NCOA2: variants seen among roughly 807,000 people sequenced by gnomAD.
NCOA2 encodes the protein class E basic helix-loop-helix protein 75.
Under a neutral mutation model 145.1 loss-of-function variants are expected in NCOA2, and 21 were observed. That is an observed-to-expected ratio of 0.14 (90% CI 0.10 to 0.21). NCOA2 has a LOEUF of 0.21. NCOA2 is among the 10% of genes least tolerant of loss of function. The pLI, the probability that NCOA2 is intolerant of heterozygous loss-of-function variation, is 1.00. For missense variants in NCOA2, 1,472 were observed against 1,837.6 expected, an observed-to-expected ratio of 0.80 and a Z score of 3.64; for synonymous variants, 619 against 637.5, an observed-to-expected ratio of 0.97 and a Z score of 0.44.
chr8:70,324,961 A>G (rs1806423670), intron 1 of NCOA2, among the ~76,000 whole-genome samples: 1 of 152,224 alleles, frequency 6.6e-6, no homozygotes, highest in African/African-American at 2.4e-5. Flanking sequence ...CTCTACCCCC[A>G]TGAAGTAACT....
chr8:70,279,573 C>T (rs902453032), intron 2 of NCOA2, among the ~76,000 whole-genome samples: 4 of 152,222 alleles, frequency 2.6e-5, no homozygotes, highest in African/African-American at 9.7e-5. Flanking sequence ...TGTCAGGTCA[C>T]ATGGTTCATG....
chr8:70,286,089 A>T lies in NCOA2; in HGVS notation c.-20+10655T>A, dbSNP rs1293572282. On this transcript the variant is annotated intron_variant, in intron 2 of 22. Coordinates refer to ENST00000452400, the MANE Select transcript of NCOA2 (RefSeq NM_006540.4). ...TATGCAAGAAAAGTTTCCTTCTTAA[A>T]TTTGCACTTCTTTATATTCTAATGT... Among the ~76,000 whole-genome samples the T allele has an allele frequency of 3.3e-5, 5 of 152,146 alleles. No individual in the cohort carries two copies. The East Asian group carries it at 9.6e-4, about 29-fold the overall frequency.
intron 2 of NCOA2, among the ~76,000 whole-genome samples, chr8:70,236,626 T>C (rs949768021): frequency 1.3e-5 from 2 of 152,146 alleles, no homozygotes; most frequent in East Asian, 1.9e-4. Flanking sequence ...TCCGTATCTG[T>C]GGTTCTGTAT....
chr8:70,354,129 A>G (rs192962043), intron 1 of NCOA2, among the ~76,000 whole-genome samples: 5 of 152,290 alleles, frequency 3.3e-5, no homozygotes, highest in African/African-American at 1.2e-4. Flanking sequence ...TTCCAAACCC[A>G]TTACAGAGCA....
the NCOA2 span, among the ~76,000 whole-genome samples, chr8:70,446,765 A>G: frequency 1.3e-5 from 2 of 151,956 alleles, no homozygotes; most frequent in Admixed American, 6.6e-5. Context: ...TTTTTTTCCA[A>G]CAAGTTATAT....
At chr8:70,452,000 G>A in the NCOA2 span, among the ~76,000 whole-genome samples, 1 of 151,838 alleles carries the variant, frequency 6.6e-6, no homozygotes. Context: ...TTTGAGACAG[G>A]ATCTCACTCT....
intron 5 of NCOA2, among the ~76,000 whole-genome samples, chr8:70,171,215 A>G (rs1163423574): frequency 1.4e-4 from 22 of 152,190 alleles, no homozygotes; most frequent in Admixed American, 1.4e-3. Flanking sequence ...GGAAGTTGAG[A>G]TAATAACAGT....
chr8:70,449,265 T>C, the NCOA2 span, among the ~76,000 whole-genome samples: 1 of 152,234 alleles, frequency 6.6e-6, no homozygotes, highest in Non-Finnish European at 1.5e-5. Flanking sequence ...GCACCTGCTC[T>C]CATTTATGCA....
Position 70,317,246 on chromosome 8 carries a change from A to G in NCOA2, c.-76-20446T>C, listed in dbSNP as rs183240033. On this transcript the variant is annotated intron_variant, in intron 1 of 22. Coordinates refer to ENST00000452400, the MANE Select transcript of NCOA2 (RefSeq NM_006540.4). ...GGTAGGGGGAAATCACTGGCTAGTC[A>G]GTCAAGGGGATCCCAGTGCCAAAAG... Among the ~76,000 whole-genome samples the G allele has an allele frequency of 2.0e-4, 31 of 152,316 alleles. No individual in the cohort carries two copies. The East Asian group carries it at 5.4e-3, about 27-fold the overall frequency.
chr8:70,212,498 T>A (rs1819139302), intron 4 of NCOA2, among the ~76,000 whole-genome samples: 1 of 152,116 alleles, frequency 6.6e-6, no homozygotes, highest in Non-Finnish European at 1.5e-5. Context: ...AGTGGGCTGG[T>A]GTTAGAAACT....
chr8:70,326,520 A>G (rs528831753), intron 1 of NCOA2, among the ~76,000 whole-genome samples: 2 of 152,068 alleles, frequency 1.3e-5, no homozygotes, highest in African/African-American at 2.4e-5. Flanking sequence ...ACAGAAAACA[A>G]AGTAATTTGG....
chr8:70,381,010 T>A (rs997891803), intron 1 of NCOA2, among the ~76,000 whole-genome samples: 2 of 150,730 alleles, frequency 1.3e-5, no homozygotes, highest in Non-Finnish European at 2.9e-5. Context: ...GAGGTTGAGT[T>A]GCAGTGAGTG....
At chr8:70,368,549 C>T (rs1206579625) in intron 1 of NCOA2, among the ~76,000 whole-genome samples, 1 of 152,150 alleles carries the variant, frequency 6.6e-6, no homozygotes, top group African/African-American at 2.4e-5. Flanking sequence ...CAAAGTAACT[C>T]GTTATCTATA....
the NCOA2 span, among the ~76,000 whole-genome samples, chr8:70,448,755 G>A: frequency 6.6e-6 from 1 of 150,814 alleles, no homozygotes; most frequent in Non-Finnish European, 1.5e-5. Flanking sequence ...CTTAATTATT[G>A]TGGTGACAAA....
intron 2 of NCOA2, among the ~76,000 whole-genome samples, chr8:70,280,910 C>T (rs752536253): frequency 1.3e-5 from 2 of 151,668 alleles, no homozygotes; most frequent in African/African-American, 2.4e-5. Flanking sequence ...AATGGGAGGC[C>T]AGTGTGAGCT....
At chr8:70,320,817 C>G (rs1230898509) in intron 1 of NCOA2, among the ~76,000 whole-genome samples, 1 of 152,072 alleles carries the variant, frequency 6.6e-6, no homozygotes, top group Admixed American at 6.5e-5. Flanking sequence ...TAACTGGTCT[C>G]GAAAACAAGG....
At chr8:70,134,636 C>T (rs1203493747) in intron 15 of NCOA2, among the ~76,000 whole-genome samples, 1 of 152,162 alleles carries the variant, frequency 6.6e-6, no homozygotes, top group South Asian at 2.1e-4. Flanking sequence ...GGCACTGTCT[C>T]GTGCCTTTGT....
rs61028027 is a variant in NCOA2 at position 70,314,180 on chromosome 8, C to CAAAAAAAAAAAAAA, written c.-76-17394_-76-17381dup. On this transcript the variant is annotated intron_variant, in intron 1 of 22. Transcript: ENST00000452400. ...GGGCGACAGAGCAAGACTCTGACTC[C>CAAAAAAAAAAAAAA]AAAAAAAAAAAAAAAAAAAAAAAAA... Among the ~76,000 whole-genome samples, 17 of 17,194 alleles carry CAAAAAAAAAAAAAA rather than the reference C, an allele frequency of 9.9e-4. 2 individuals are homozygous for CAAAAAAAAAAAAAA. The highest frequency in any genetic ancestry group is 1.0e-3 in the Non-Finnish European group (6 of 5,938). 11.3% of individuals were successfully genotyped at this position (17,194 alleles called of 152,430 possible).
At chr8:70,422,442 A>T in the NCOA2 span, among the ~76,000 whole-genome samples, 2 of 150,466 alleles carry the variant, frequency 1.3e-5, no homozygotes, top group Admixed American at 6.6e-5. Context: ...TTGGGGTCTC[A>T]CTCTGTTGCC....
Sources: allele counts gnomAD v4.1 joint callset (sites outside exome capture counted in the v4.1 genomes callset), GRCh38; gene constraint gnomAD v4.1.1; transcripts MANE v1.5; gene names NCBI Gene and HGNC (gene_info 2026-07-23, HGNC 2026-07-21).